Variants in PTPRO observed in about 807,000 individuals in gnomAD.
PTPRO encodes the protein receptor-type tyrosine-protein phosphatase O.
Under a neutral mutation model 145.2 loss-of-function variants are expected in PTPRO, and 62 were observed. That is an observed-to-expected ratio of 0.43 (90% CI 0.35 to 0.53). PTPRO has a LOEUF of 0.53. Ranked by LOEUF, PTPRO falls within the 20% of genes least tolerant of loss-of-function variation. PTPRO has a pLI of 0.01. For missense variants in PTPRO, 1,345 were observed against 1,482.7 expected (o/e 0.91, Z 1.53); for synonymous variants, 565 against 514.7 (o/e 1.10, Z -1.32).
chr12:15,540,101 C>A (rs563307934), intron 12 of PTPRO, among the ~76,000 whole-genome samples: 2 of 152,170 alleles, frequency 1.3e-5, no homozygotes, highest in South Asian at 4.1e-4. Context: ...TCTTAACTCA[C>A]CCTGAATAAT....
intron 1 of PTPRO, chr12:15,440,227 CT>C: frequency 3.1e-6 from 2 of 649,736 alleles, no homozygotes; most frequent in Non-Finnish European, 2.7e-6. Flanking sequence ...CCCTGGGCAA[CT>C]TTTCCAAGGC....
intron 1 of PTPRO, among the ~76,000 whole-genome samples, chr12:15,386,731 T>C (rs1388327222): frequency 6.6e-6 from 1 of 152,010 alleles, no homozygotes; most frequent in Non-Finnish European, 1.5e-5. Context: ...ATAGCCTACA[T>C]GAGAGTAATT....
rs374966047 is a variant in PTPRO at position 15,512,702 on chromosome 12, TTCTC to T, written c.1465-2794_1465-2791del. On this transcript the variant is annotated intron_variant, in intron 7 of 26. Coordinates refer to ENST00000281171, the MANE Select transcript of PTPRO (RefSeq NM_030667.3). ...TATCATAGTTTGTCTCTTTAGAAAA[TTCTC>T]TATCAGGCCAGGCACGGCGGTTCAC... Among the ~76,000 whole-genome samples, 12 of 152,232 alleles carry T rather than the reference TTCTC, an allele frequency of 7.9e-5. No homozygotes were observed. In the South Asian group the frequency reaches 1.5e-3, roughly 18 times the overall value.
chr12:15,543,373 C>T (rs1943217137), intron 12 of PTPRO, among the ~76,000 whole-genome samples: 1 of 152,158 alleles, frequency 6.6e-6, no homozygotes, highest in Non-Finnish European at 1.5e-5. Flanking sequence ...CAAAGGAAAC[C>T]CTCACTGCAG....
intron 1 of PTPRO, among the ~76,000 whole-genome samples, chr12:15,376,132 C>T (rs1938679627): frequency 6.6e-6 from 1 of 151,900 alleles, no homozygotes; most frequent in South Asian, 2.1e-4. Context: ...TGATGAAACA[C>T]ATAAGATAAA....
intron 1 of PTPRO, among the ~76,000 whole-genome samples, chr12:15,471,131 T>A (rs1365398895): frequency 2.0e-5 from 3 of 152,042 alleles, no homozygotes; most frequent in Non-Finnish European, 2.9e-5. Context: ...AAAGAATGTA[T>A]CTATTGGGAA....
chr12:15,431,442 A>G (rs1369210747), intron 1 of PTPRO, among the ~76,000 whole-genome samples: 2 of 152,162 alleles, frequency 1.3e-5, no homozygotes, highest in Admixed American at 6.6e-5. Context: ...TCTCACTTCA[A>G]CTTTTCAAAA....
chr12:15,483,061 G>T (rs2136437406), intron 1 of PTPRO, among the ~76,000 whole-genome samples: 1 of 152,164 alleles, frequency 6.6e-6, no homozygotes, highest in East Asian at 1.9e-4. Context: ...ACAAGTTTCA[G>T]CAATTTTTCC....
In PTPRO at chr12:15,546,383, G is replaced by A. The variant is rs1460104490; in HGVS notation, c.2165-186G>A. 3.5e-6 allele frequency: 5 copies of A among 1,428,070 alleles called. No individual in the cohort carries two copies. The African/African-American group carries it at 5.8e-5, about 16-fold the overall frequency. The allele number at this position is 1,428,070 out of a possible 1,614,324, so 88.5% of individuals were successfully genotyped here. On this transcript the variant is annotated intron_variant, in intron 12 of 26. Coordinates refer to ENST00000281171, the MANE Select transcript of PTPRO (RefSeq NM_030667.3). ...AAAAATGGAAGGGGGAAAAGGCAAAGTATTCTGCCTTCCAAGTTAGATAGC... is the reference window on the plus strand; with the variant it reads ...AAAAATGGAAGGGGGAAAAGGCAAAATATTCTGCCTTCCAAGTTAGATAGC...
chr12:15,383,801 T>C (rs1016141693), intron 1 of PTPRO, among the ~76,000 whole-genome samples: 1 of 152,132 alleles, frequency 6.6e-6, no homozygotes, highest in Non-Finnish European at 1.5e-5. Context: ...TCTTATTAGA[T>C]CTTAAAAGGT....
At chr12:15,427,247 C>T (rs756904429) in intron 1 of PTPRO, among the ~76,000 whole-genome samples, 9 of 152,066 alleles carry the variant, frequency 5.9e-5, no homozygotes, top group Non-Finnish European at 1.3e-4. Context: ...TGTCTCATAA[C>T]TTTTCTATTA....
chr12:15,546,233 A>G, intron 12 of PTPRO: 2 of 798,506 alleles, frequency 2.5e-6, no homozygotes, highest in Non-Finnish European at 3.1e-6. Flanking sequence ...TTTGTTTCTC[A>G]TCCAGGAAGT....
intron 1 of PTPRO, among the ~76,000 whole-genome samples, chr12:15,422,181 T>A (rs1940165075): frequency 6.6e-6 from 1 of 152,172 alleles, no homozygotes; most frequent in Non-Finnish European, 1.5e-5. Context: ...ATTTTTTGAC[T>A]GTAATTCATT....
chr12:15,456,646 T>A (rs910652587), intron 1 of PTPRO, among the ~76,000 whole-genome samples: 12 of 152,196 alleles, frequency 7.9e-5, no homozygotes, highest in African/African-American at 2.9e-4. Context: ...CCTTACTAGT[T>A]ATAGGTCTTT....
At chr12:15,382,289 G>A (rs1938886723) in intron 1 of PTPRO, among the ~76,000 whole-genome samples, 1 of 151,966 alleles carries the variant, frequency 6.6e-6, no homozygotes, top group Non-Finnish European at 1.5e-5. Flanking sequence ...GCATCTCAGG[G>A]CAATCCATTT....
At chr12:15,565,483 A>G (rs1943874366) in intron 17 of PTPRO, 110 bp from the exon 18 acceptor site, 2 of 717,474 alleles carry the variant, frequency 2.8e-6, no homozygotes, top group Non-Finnish European at 4.9e-6. Flanking sequence ...AATGAAAATT[A>G]AATAAAACTG....
At chr12:15,470,676 C>T (rs1941518594) in intron 1 of PTPRO, among the ~76,000 whole-genome samples, 1 of 152,180 alleles carries the variant, frequency 6.6e-6, no homozygotes, top group South Asian at 2.1e-4. Flanking sequence ...CACATGCACA[C>T]ATGGCAACTT....
intron 1 of PTPRO, among the ~76,000 whole-genome samples, chr12:15,450,381 C>T (rs1205174973): frequency 6.6e-6 from 1 of 152,188 alleles, no homozygotes; most frequent in Non-Finnish European, 1.5e-5. Context: ...AGCCCTTCAT[C>T]CTGTGTTGGC....
chr12:15,479,161 A>G (rs1445473180), intron 1 of PTPRO, among the ~76,000 whole-genome samples: 1 of 152,208 alleles, frequency 6.6e-6, no homozygotes, highest in Admixed American at 6.5e-5. Context: ...AAGGGGAAGA[A>G]GGCATCTGTT....
Sources: allele counts gnomAD v4.1 joint callset (sites outside exome capture counted in the v4.1 genomes callset), GRCh38; gene constraint gnomAD v4.1.1; transcripts MANE v1.5; gene names NCBI Gene and HGNC (gene_info 2026-07-23, HGNC 2026-07-21).